The following DCAF8 variants were observed in gnomAD, a reference collection of about 807,000 sequenced individuals.
DCAF8 encodes the protein DDB1- and CUL4-associated factor 8.
Under a neutral mutation model 68.0 loss-of-function variants are expected in DCAF8, and 20 were observed. The ratio of observed to expected loss-of-function variants is 0.29; its 90% CI spans 0.21 to 0.43. The LOEUF (loss-of-function observed/expected upper bound fraction) is 0.43, where lower values mean the gene tolerates loss of function less well. Among genes scored for constraint, DCAF8 ranks in the 20% least tolerant of loss-of-function variants. DCAF8 has a pLI of 1.00. For synonymous variants in DCAF8, 230 were observed against 276.9 expected, an observed-to-expected ratio of 0.83 and a Z score of 1.68; for missense variants, 460 against 771.0, an observed-to-expected ratio of 0.60 and a Z score of 4.78.
chr1:160,246,721 C>G (rs564662519), intron 2 of DCAF8, among the ~76,000 whole-genome samples: 1 of 152,266 alleles, frequency 6.6e-6, no homozygotes, highest in East Asian at 1.9e-4. Flanking sequence ...GCAGCTCACG[C>G]CTATAATCCC....
intron 7 of DCAF8, among the ~76,000 whole-genome samples, chr1:160,226,301 G>A (rs574657084): frequency 2.0e-5 from 3 of 152,076 alleles, no homozygotes; most frequent in African/African-American, 7.2e-5. Context: ...ACTGTATTTG[G>A]CCTGTTCTCC....
intron 6 of DCAF8, among the ~76,000 whole-genome samples, chr1:160,232,640 CAAA>C (rs768709547): frequency 2.5e-5 from 3 of 120,754 alleles, no homozygotes; most frequent in Admixed American, 8.6e-5. Flanking sequence ...GACTCTGTCT[CAAA>C]AAAAAAAAAA....
At chr1:160,228,082 T>C (rs1293750620) in intron 7 of DCAF8, among the ~76,000 whole-genome samples, 1 of 125,726 alleles carries the variant, frequency 8.0e-6, no homozygotes, top group Non-Finnish European at 1.6e-5. Context: ...AAAATTAAAA[T>C]TTTTTCTTAA....
chr1:160,219,195 C>T (rs1318899473), intron 11 of DCAF8: 1 of 492,846 alleles, frequency 2.0e-6, no homozygotes, highest in African/African-American at 1.9e-5. Flanking sequence ...ATGTATAGGT[C>T]GGGGGTGGCT....
intron 6 of DCAF8, among the ~76,000 whole-genome samples, chr1:160,231,687 C>T (rs1020470919): frequency 6.6e-6 from 1 of 152,130 alleles, no homozygotes; most frequent in African/African-American, 2.4e-5. Flanking sequence ...TATGAATGTA[C>T]CATTCTTTAG....
At chr1:160,252,660 T>G (rs1337311165) in intron 2 of DCAF8, among the ~76,000 whole-genome samples, 1 of 152,096 alleles carries the variant, frequency 6.6e-6, no homozygotes, top group Non-Finnish European at 1.5e-5. Flanking sequence ...AGAAACAAGT[T>G]TAAAAGCTAT....
intron 4 of DCAF8, chr1:160,238,974 TG>T: frequency 1.7e-6 from 1 of 574,202 alleles, no homozygotes; most frequent in Non-Finnish European, 2.7e-6. Flanking sequence ...CAGTTGGCTC[TG>T]GAAGATTGAA....
chr1:160,230,014 ACT>A (rs145569672), intron 7 of DCAF8, among the ~76,000 whole-genome samples: 8,011 of 151,778 alleles, frequency 0.053, 213 homozygotes, highest in East Asian at 0.093. Flanking sequence ...TAAGAGTAAA[ACT>A]CTGTCTAAAA....
At chr1:160,224,410 T>C (rs1304083108) in intron 10 of DCAF8, 32 bp downstream of exon 10, 1 of 1,554,362 alleles carries the variant, frequency 6.4e-7, no homozygotes, top group Non-Finnish European at 8.9e-7. Context: ...CCAACAGGCT[T>C]GGGCCAAAGA....
intron 2 of DCAF8, among the ~76,000 whole-genome samples, chr1:160,255,296 G>A (rs929144297): frequency 6.6e-6 from 1 of 152,112 alleles, no homozygotes; most frequent in Non-Finnish European, 1.5e-5. Context: ...TTTTAAAATA[G>A]ATTTTTTTAC....
chr1:160,244,596 C>T (rs1393954666), intron 2 of DCAF8, among the ~76,000 whole-genome samples: 1 of 151,876 alleles, frequency 6.6e-6, no homozygotes, highest in African/African-American at 2.4e-5. Context: ...AGATGACTAA[C>T]TTCAAACCTA....
chr1:160,237,496 A>G (rs1385299133), intron 5 of DCAF8, among the ~76,000 whole-genome samples: 1 of 152,248 alleles, frequency 6.6e-6, no homozygotes, highest in Non-Finnish European at 1.5e-5. Context: ...AGATATGAAC[A>G]GATAGCAAAG....
intron 10 of DCAF8, 55 bp downstream of exon 10, chr1:160,224,387 T>A: frequency 7.6e-7 from 1 of 1,313,264 alleles, no homozygotes. Context: ...TAAGACACTG[T>A]GGTTCTCCAA....
At chr1:160,256,020 T>C (rs1387693346) in intron 2 of DCAF8, among the ~76,000 whole-genome samples, 1 of 145,734 alleles carries the variant, frequency 6.9e-6, no homozygotes, top group African/African-American at 2.5e-5. Context: ...AACTTTTTTT[T>C]TTTTTTTTTT....
At chr1:160,243,650 T>A (rs993862063) in intron 3 of DCAF8, among the ~76,000 whole-genome samples, 1 of 152,178 alleles carries the variant, frequency 6.6e-6, no homozygotes, top group Non-Finnish European at 1.5e-5. Context: ...GCCATTAGAT[T>A]TTATTTTTCT....
rs12403037 is a variant in DCAF8 at position 160,226,004 on chromosome 1, C to T, written c.1071-341G>A. The stretch of plus-strand genomic sequence containing the variant: ...GACTATGGGCACACACCACCACGCC[C>T]GGCCAATTTTTGTATTTTTAGTAGA... On this transcript the variant is annotated intron_variant, in intron 7 of 13. Transcript: ENST00000368074. Among the ~76,000 whole-genome samples, 49 of 152,200 alleles carry T rather than the reference C, an allele frequency of 3.2e-4. 2 individuals carry two copies. Among genetic ancestry groups the T allele is most frequent in the Admixed American group, 2.3e-3 (35 of 15,294 alleles).
chr1:160,240,685 T>A (rs779452991), intron 3 of DCAF8, among the ~76,000 whole-genome samples: 19 of 152,230 alleles, frequency 1.2e-4, no homozygotes, highest in Non-Finnish European at 2.5e-4. Context: ...GCCTGATACA[T>A]CTACCATTGG....
rs924957995 is a variant in DCAF8, at chr1:160,238,498, G to A, written c.864+109C>T. 7.3e-6 allele frequency: 9 copies of A among 1,229,216 alleles called. No individual in the cohort carries two copies. In the African/African-American group the frequency reaches 1.1e-4, roughly 15 times the overall value. The allele number at this position is 1,229,216 out of a possible 1,614,324, so 76.1% of individuals were successfully genotyped here. ...AAATCTTAGGACTGAAAGAGGTGAGGCACATGACCACAACAAATGTGACAC... is the reference window on the plus strand; with the variant it reads ...AAATCTTAGGACTGAAAGAGGTGAGACACATGACCACAACAAATGTGACAC... On this transcript the variant is annotated intron_variant, in intron 5 of 13. Transcript: ENST00000368074.
At chr1:160,236,346 G>T (rs1014879469) in intron 6 of DCAF8, among the ~76,000 whole-genome samples, 1 of 151,650 alleles carries the variant, frequency 6.6e-6, no homozygotes, top group Non-Finnish European at 1.5e-5. Flanking sequence ...GTGTGTATAT[G>T]TGTGTACATA....
Sources: gnomAD v4.1 joint callset for allele counts (sites outside exome capture counted in the v4.1 genomes callset) on GRCh38, gnomAD v4.1.1 for gene constraint, MANE v1.5 for transcripts, NCBI Gene and HGNC (gene_info 2026-07-23, HGNC 2026-07-21) for gene names.